The following ADGRE3 variants were observed in gnomAD, a reference collection of about 807,000 sequenced individuals.
The protein encoded by ADGRE3 is EGF-like module receptor 3.
ADGRE3 carries 88 observed loss-of-function variants against 80.1 expected under a neutral mutation model. That is an observed-to-expected ratio of 1.10 (90% CI 0.93 to 1.31). ADGRE3 has a LOEUF of 1.31. Ranked by LOEUF, ADGRE3 falls within the 40% of genes most tolerant of loss-of-function variation. ADGRE3 has a pLI of 0.00. For missense variants in ADGRE3, 715 were observed against 776.5 expected (o/e 0.92, Z 0.94); for synonymous variants, 281 against 294.8 (o/e 0.95, Z 0.48).
rs1321152841 is a variant in ADGRE3, at chr19:14,638,299, G to A, written c.1290C>T (p.Tyr430=). 3 of 1,614,012 alleles carry A rather than the reference G, an allele frequency of 1.9e-6. No individual in the cohort carries two copies. The highest frequency in any genetic ancestry group is 2.5e-6 in the Non-Finnish European group (3 of 1,180,022). ...SIIAGALHYL[Y]LAAFTWMLLE... ...GCAGCATCCAGGTGAAGGCGGCCAG[G>A]TAGAGATAGTGCAAAGCACCGGCGA... Residue 430 remains tyrosine, a synonymous_variant, in exon 11 of 16, where the codon TAC becomes TAT. Coordinates refer to ENST00000253673, the MANE Select transcript of ADGRE3 (RefSeq NM_032571.5).
chr19:14,618,737 C>T (rs141744138), downstream of ADGRE3, among the ~76,000 whole-genome samples: 99 of 148,694 alleles, frequency 6.7e-4, no homozygotes, highest in Middle Eastern at 3.5e-3. Context: ...ATACCTGTAA[C>T]GCCAGCTACT....
At chr19:14,667,986 G>A (rs904743455) in intron 2 of ADGRE3, among the ~76,000 whole-genome samples, 4 of 152,182 alleles carry the variant, frequency 2.6e-5, no homozygotes, top group Admixed American at 6.5e-5. Context: ...GGGCATGGTG[G>A]CTCATGCCTG....
At chr19:14,645,624 A>G (rs1262672780) in intron 8 of ADGRE3, among the ~76,000 whole-genome samples, 1 of 151,966 alleles carries the variant, frequency 6.6e-6, no homozygotes, top group East Asian at 1.9e-4. Flanking sequence ...GCACCACTGT[A>G]CTTCAGCCTG....
At chr19:14,644,983 C>T (rs1247163697) in intron 8 of ADGRE3, among the ~76,000 whole-genome samples, 1 of 152,174 alleles carries the variant, frequency 6.6e-6, no homozygotes, top group African/African-American at 2.4e-5. Flanking sequence ...GCCTTGGCCT[C>T]CCAAGAGGCT....
At position 14,662,082 on chromosome 19, in the gene ADGRE3, C is replaced by T; in HGVS notation, c.236G>A (p.Cys79Tyr). 6.2e-7 allele frequency: 1 copy of T among 1,614,182 alleles called. No individual in the cohort carries two copies. Among genetic ancestry groups the T allele is most frequent in the Non-Finnish European group, 8.5e-7 (1 of 1,180,020 alleles). The change falls in exon 4 of 16, where the codon TGT (cysteine) becomes TAT (tyrosine). Residue 79 changes from cysteine to tyrosine, a missense_variant. Cys to Tyr is a radical substitution (Grantham distance 194). Transcript: ENST00000253673. ...ATTGTAACACACAGCGTTAAATCCA[C>T]AATATACACTATAGGGTGGTGTACA... ...NECTPPYSVY[C>Y]GFNAVCYNVE... is the part of the protein sequence containing the mutation.
intron 2 of ADGRE3, among the ~76,000 whole-genome samples, chr19:14,666,935 A>G (rs1381945762): frequency 6.6e-6 from 1 of 152,130 alleles, no homozygotes; most frequent in Non-Finnish European, 1.5e-5. Context: ...CCTAAAATTC[A>G]TGTCCACCCA....
chr19:14,628,037 A>G (rs931021696), intron 14 of ADGRE3, among the ~76,000 whole-genome samples: 2 of 152,014 alleles, frequency 1.3e-5, no homozygotes, highest in Admixed American at 6.6e-5. Context: ...CTGAGGCAGG[A>G]TAATCACTTG....
At chr19:14,610,163 G>T in the ADGRE3 span, 1 of 1,588,502 alleles carries the variant, frequency 6.3e-7, no homozygotes, top group African/African-American at 1.3e-5. Context: ...ACAAAACTAC[G>T]TATTGGATTT....
chr19:14,648,477 C>T (rs1427913608), intron 7 of ADGRE3, among the ~76,000 whole-genome samples: 1 of 152,156 alleles, frequency 6.6e-6, no homozygotes, highest in Non-Finnish European at 1.5e-5. Context: ...CCCCAGGTAC[C>T]CCAACAGCAA....
chr19:14,665,936 G>GTA (rs71309616), intron 2 of ADGRE3, among the ~76,000 whole-genome samples: 3,643 of 41,774 alleles, frequency 0.087, 196 homozygotes, highest in Non-Finnish European at 0.11. Flanking sequence ...ACACATATGT[G>GTA]TATATATATA....
the ADGRE3 span, chr19:14,610,864 G>A: frequency 6.6e-6 from 1 of 152,080 alleles, no homozygotes; most frequent in Non-Finnish European, 1.5e-5. Flanking sequence ...GTCTCACTCT[G>A]TTGCCGAGGC....
rs111857598 is a variant in ADGRE3 at position 14,671,922 on chromosome 19, A to T, written c.25+2824T>A. Among the ~76,000 whole-genome samples the T allele has an allele frequency of 8.8e-3, 1,337 of 152,104 alleles. 20 individuals are homozygous for T. The highest frequency in any genetic ancestry group is 0.028 in the African/African-American group (1,146 of 41,482). On this transcript the variant is annotated intron_variant, in intron 1 of 15. Transcript: ENST00000253673. ...TACCACTTGTGGCCAATTAAAAAAA[A>T]TTTTTTTGGTAGAGATTGGGTCTTG...
chr19:14,641,076 G>C (rs761034829), intron 10 of ADGRE3, among the ~76,000 whole-genome samples: 2 of 151,952 alleles, frequency 1.3e-5, no homozygotes, highest in Non-Finnish European at 2.9e-5. Context: ...CATAATTTGT[G>C]CCCCTAGAGA....
chr19:14,601,574 C>T, the ADGRE3 span, among the ~76,000 whole-genome samples: 1 of 152,078 alleles, frequency 6.6e-6, no homozygotes, highest in African/African-American at 2.4e-5. Flanking sequence ...CTTTCAAGTC[C>T]ATGGTCTTGA....
intron 11 of ADGRE3, among the ~76,000 whole-genome samples, chr19:14,637,693 G>A (rs1325275141): frequency 6.6e-6 from 1 of 151,540 alleles, no homozygotes; most frequent in African/African-American, 2.4e-5. Context: ...GAGCCACTGT[G>A]CTCAGCTAAT....
At position 14,653,320 on chromosome 19, in the gene ADGRE3, CTT is replaced by C. The variant is rs369026288; in HGVS notation, c.577+1660_577+1661del. 4.3e-3 allele frequency among the ~76,000 whole-genome samples: 649 copies of C among 152,076 alleles called. 8 individuals carry two copies. The highest frequency in any genetic ancestry group is 0.015 in the African/African-American group (625 of 41,462). On this transcript the variant is annotated intron_variant, in intron 6 of 15. Coordinates refer to ENST00000253673, the MANE Select transcript of ADGRE3 (RefSeq NM_032571.5). ...ATCCATTATATTATCGCTTGTTACTCTTTGTCATTTTTATCAAACCTCAATTT... is the reference window on the plus strand; with the variant it reads ...ATCCATTATATTATCGCTTGTTACTCTGTCATTTTTATCAAACCTCAATTT...
intron 2 of ADGRE3, among the ~76,000 whole-genome samples, chr19:14,665,163 A>G (rs1568500271): frequency 7.0e-6 from 1 of 143,774 alleles, no homozygotes; most frequent in African/African-American, 2.6e-5. Flanking sequence ...TCCTGGGTTC[A>G]TGCCATTCTC....
downstream of ADGRE3, among the ~76,000 whole-genome samples, chr19:14,615,872 G>A (rs187633743): frequency 2.6e-5 from 4 of 151,904 alleles, no homozygotes; most frequent in East Asian, 7.8e-4. Context: ...CAATCCTCCC[G>A]CCTTCGCCTC....
downstream of ADGRE3, among the ~76,000 whole-genome samples, chr19:14,616,645 C>G (rs1175641718): frequency 2.6e-5 from 4 of 151,788 alleles, no homozygotes; most frequent in African/African-American, 9.7e-5. Context: ...GACTGAGAAA[C>G]AACCAGTGGA....
Sources: allele counts gnomAD v4.1 joint callset (sites outside exome capture counted in the v4.1 genomes callset), GRCh38; gene constraint gnomAD v4.1.1; transcripts MANE v1.5; gene names NCBI Gene and HGNC (gene_info 2026-07-23, HGNC 2026-07-21).